ACBD6: variants seen among roughly 807,000 people sequenced by gnomAD.
ACBD6 encodes the protein acyl-CoA binding domain containing 6, also known as acyl-CoA-binding domain-containing protein 6.
ACBD6 carries 28 observed loss-of-function variants against 37.2 expected under a neutral mutation model. The observed-to-expected ratio is 0.75, with a 90% CI of 0.56 to 1.03. The LOEUF (loss-of-function observed/expected upper bound fraction) is 1.03. Among genes scored for constraint, ACBD6 ranks in the 50% least tolerant of loss-of-function variants. The pLI, the probability that ACBD6 is intolerant of heterozygous loss-of-function variation, is 0.00. For synonymous variants in ACBD6, 113 were observed against 126.8 expected, an observed-to-expected ratio of 0.89 and a Z score of 0.73; for missense variants, 340 against 337.4, an observed-to-expected ratio of 1.01 and a Z score of -0.06.
intron 6 of ACBD6, among the ~76,000 whole-genome samples, chr1:180,383,669 A>G (rs1653742233): frequency 6.6e-6 from 1 of 152,222 alleles, no homozygotes; most frequent in Admixed American, 6.5e-5. Context: ...AGAAAAAATA[A>G]TTGTAAAATG....
chr1:180,326,818 T>G (rs1247583515), intron 6 of ACBD6, among the ~76,000 whole-genome samples: 1 of 152,170 alleles, frequency 6.6e-6, no homozygotes, highest in Non-Finnish European at 1.5e-5. Context: ...GGTTCCCTTC[T>G]GACCCAGGAT....
chr1:180,407,555 C>T (rs1193910792), intron 5 of ACBD6, among the ~76,000 whole-genome samples: 2 of 152,148 alleles, frequency 1.3e-5, no homozygotes, highest in African/African-American at 4.8e-5. Context: ...AAAGAAATTG[C>T]TGCAAACCAG....
At chr1:180,361,302 TTAGA>T (rs1652842927) in intron 6 of ACBD6, among the ~76,000 whole-genome samples, 1 of 148,592 alleles carries the variant, frequency 6.7e-6, no homozygotes, top group Non-Finnish European at 1.5e-5. Flanking sequence ...AAACAGGTGC[TTAGA>T]TATGCTTAGG....
At chr1:180,402,021 G>C (rs1647393579) in intron 5 of ACBD6, among the ~76,000 whole-genome samples, 1 of 152,102 alleles carries the variant, frequency 6.6e-6, no homozygotes, top group Non-Finnish European at 1.5e-5. Flanking sequence ...ATTAGCAAAT[G>C]AAATACTGCA....
chr1:180,353,746 G>T (rs1652508514), intron 6 of ACBD6, among the ~76,000 whole-genome samples: 1 of 20,982 alleles, frequency 4.8e-5, no homozygotes, highest in African/African-American at 3.5e-4. Context: ...AGCTTGTGGT[G>T]GTTAAAAAAA....
At chr1:180,304,975 C>T (rs1319242565) in intron 7 of ACBD6, among the ~76,000 whole-genome samples, 2 of 152,204 alleles carry the variant, frequency 1.3e-5, no homozygotes, top group Admixed American at 6.5e-5. Context: ...TGATCTTTGA[C>T]AAACCTGACA....
intron 3 of ACBD6, among the ~76,000 whole-genome samples, chr1:180,480,289 G>T (rs564816822): frequency 1.3e-5 from 2 of 152,212 alleles, no homozygotes; most frequent in South Asian, 2.1e-4. Context: ...CAACAGCCTA[G>T]GCAAGAGATG....
intron 6 of ACBD6, among the ~76,000 whole-genome samples, chr1:180,332,490 C>T (rs1177546527): frequency 6.6e-6 from 1 of 152,116 alleles, no homozygotes; most frequent in African/African-American, 2.4e-5. Context: ...CTTGTCAGAT[C>T]AGTGGCAGCA....
chr1:180,311,996 A>C (rs1650611617), intron 7 of ACBD6, among the ~76,000 whole-genome samples: 2 of 152,204 alleles, frequency 1.3e-5, no homozygotes, highest in African/African-American at 4.8e-5. Flanking sequence ...CTGTAAGATA[A>C]CATCTTGATA....
intron 3 of ACBD6, among the ~76,000 whole-genome samples, chr1:180,451,857 GA>G (rs1418935823): frequency 6.6e-6 from 1 of 152,108 alleles, no homozygotes; most frequent in Non-Finnish European, 1.5e-5. Context: ...TTAAATGGGA[GA>G]ACACAGTGGG....
chr1:180,434,153 T>C (rs1367193226), intron 3 of ACBD6, among the ~76,000 whole-genome samples: 1 of 152,170 alleles, frequency 6.6e-6, no homozygotes, highest in Non-Finnish European at 1.5e-5. Flanking sequence ...ACATGCCTCA[T>C]TATACTTTCC....
At chr1:180,360,537 T>A (rs1335248425) in intron 6 of ACBD6, among the ~76,000 whole-genome samples, 2 of 152,120 alleles carry the variant, frequency 1.3e-5, no homozygotes, top group Non-Finnish European at 2.9e-5. Context: ...TCACAAACTC[T>A]GGGGTGGGGC....
intron 3 of ACBD6, among the ~76,000 whole-genome samples, chr1:180,440,823 G>A (rs953143526): frequency 1.3e-5 from 2 of 152,080 alleles, no homozygotes; most frequent in African/African-American, 4.8e-5. Context: ...TTCATGTCTG[G>A]CCTCTCACTT....
intron 11 of ACBD6, chr1:180,273,819 C>T: frequency 3.5e-6 from 1 of 284,720 alleles, no homozygotes; most frequent in Non-Finnish European, 6.8e-6. Context: ...TAAATGTTGT[C>T]AGCATGTAGT....
chr1:180,491,123 G>T (rs1009795180), intron 3 of ACBD6, among the ~76,000 whole-genome samples: 4 of 152,030 alleles, frequency 2.6e-5, no homozygotes, highest in African/African-American at 9.7e-5. Context: ...ACAAGTCTGA[G>T]ATTTTTAAGA....
At position 180,494,723 on chromosome 1, in the gene ACBD6, C is replaced by T. The variant is rs540673053; in HGVS notation, c.287+738G>A. Among the ~76,000 whole-genome samples, 5 of 152,278 alleles carry T rather than the reference C, an allele frequency of 3.3e-5. No homozygotes were observed. The South Asian group carries it at 1.0e-3, about 32-fold the overall frequency. ...TTTCTTTTCTAACTCTACCTTCTAACCTTAATTCCAGGGCTGATGCTCCAA... is the reference window on the plus strand; with the variant it reads ...TTTCTTTTCTAACTCTACCTTCTAATCTTAATTCCAGGGCTGATGCTCCAA... On this transcript the variant is annotated intron_variant, in intron 2 of 7. Coordinates refer to ENST00000367595, the MANE Select transcript of ACBD6 (RefSeq NM_032360.4).
Position 180,320,779 on chromosome 1 carries a change from T to C in ACBD6, c.664-6057A>G, listed in dbSNP as rs1651040744. On this transcript the variant is annotated intron_variant, in intron 6 of 7. Coordinates refer to ENST00000367595, the MANE Select transcript of ACBD6 (RefSeq NM_032360.4). ...ACTTTGTTGATTGTTTCCTTTGCTG[T>C]GCAGAAGCTTTTCAACTTGATGTGA... Among the ~76,000 whole-genome samples the C allele has an allele frequency of 2.0e-5, 3 of 152,348 alleles. No individual in the cohort carries two copies. The South Asian group carries it at 6.2e-4, about 32-fold the overall frequency.
At chr1:180,445,964 C>T (rs373406107) in intron 3 of ACBD6, among the ~76,000 whole-genome samples, 9 of 152,084 alleles carry the variant, frequency 5.9e-5, no homozygotes, top group African/African-American at 2.2e-4. Context: ...TTATTACATA[C>T]TGACAATATT....
chr1:180,314,849 G>T lies in ACBD6; in HGVS notation c.664-127C>A, dbSNP rs1017277909. On this transcript the variant is annotated intron_variant, in intron 6 of 7. Transcript: ENST00000367595. ...AGGTTTATCAGACTTAGGAAAAGAAGTCAGTTAACTGAGCTTCACCGTAAC... is the reference window on the plus strand; with the variant it reads ...AGGTTTATCAGACTTAGGAAAAGAATTCAGTTAACTGAGCTTCACCGTAAC... The T allele has an allele frequency of 1.1e-5, 8 of 708,000 alleles. 1 individual carries two copies. The highest frequency in any genetic ancestry group is 4.6e-5 in the Admixed American group (2 of 43,918). The allele number at this position is 708,000 out of a possible 1,614,324, so 43.9% of individuals were successfully genotyped here. A position where few individuals can be genotyped will look rare whatever the true frequency, so the allele number is the denominator to read the frequency against.
Sources: gnomAD v4.1 joint callset for allele counts (sites outside exome capture counted in the v4.1 genomes callset) on GRCh38, gnomAD v4.1.1 for gene constraint, MANE v1.5 for transcripts, NCBI Gene and HGNC (gene_info 2026-07-23, HGNC 2026-07-21) for gene names.